Variants in BCL11B observed in about 807,000 individuals in gnomAD.
The protein encoded by BCL11B is B-cell lymphoma/leukemia 11B.
Under a neutral mutation model 49.9 loss-of-function variants are expected in BCL11B, and 8 were observed. That is an observed-to-expected ratio of 0.16 (90% CI 0.09 to 0.29). BCL11B has a LOEUF of 0.29. Ranked by LOEUF, BCL11B falls within the 10% of genes least tolerant of loss-of-function variation. BCL11B has a pLI of 1.00. For synonymous variants in BCL11B, 739 were observed against 637.4 expected (o/e 1.16, Z -2.40); for missense variants, 1,006 against 1,351.0 (o/e 0.74, Z 4.00).
chr14:99,210,486 G>A (rs1887655982), intron 3 of BCL11B, among the ~76,000 whole-genome samples: 1 of 152,038 alleles, frequency 6.6e-6, no homozygotes, highest in African/African-American at 2.4e-5. Context: ...TTTCTCCAGG[G>A]AGAAATCACC....
chr14:99,171,353 T>G lies in BCL11B; in HGVS notation c.*2798A>C, dbSNP rs576456488. 71 of 218,956 alleles carry G rather than the reference T, an allele frequency of 3.2e-4. No homozygotes were observed. Among genetic ancestry groups the G allele is most frequent in the Middle Eastern group, 1.4e-3 (1 of 700 alleles). 13.6% of individuals were successfully genotyped at this position (218,956 alleles called of 1,614,324 possible). A position where few individuals can be genotyped will look rare whatever the true frequency, so the allele number is the denominator to read the frequency against. On this transcript the variant is annotated 3_prime_UTR_variant, in exon 4 of 4. Transcript: ENST00000357195. ...CAATAGGACTTAACATACAAATGTG[T>G]TTTTTTTGCAATATTTTATCCTGCC... is the stretch of plus-strand genomic sequence containing the variant.
rs1370296454 is a variant in BCL11B at position 99,271,290 on chromosome 14, CCGCCGCCG to C, written c.-80_-73del. On this transcript the variant is annotated 5_prime_UTR_variant, in exon 1 of 4. Transcript: ENST00000357195. ...GGGGAGCCGGGGGAGGGGGTCCGAG[CCGCCGCCG>C]CGCCGCTGCCGCCGCTGCCGCCGCC... The C allele has an allele frequency of 3.7e-4, 442 of 1,187,534 alleles. 19 individuals are homozygous for C. In the East Asian group the frequency reaches 0.014, roughly 37 times the overall value. The allele number at this position is 1,187,534 out of a possible 1,614,324, so 73.6% of individuals were successfully genotyped here. A position where few individuals can be genotyped will look rare whatever the true frequency, so the allele number is the denominator to read the frequency against.
rs192769059 is a variant in BCL11B at position 99,198,333 on chromosome 14, G to C, written c.641-22138C>G. 3.5e-3 allele frequency among the ~76,000 whole-genome samples: 535 copies of C among 152,322 alleles called. 5 individuals carry two copies. The highest frequency in any genetic ancestry group is 0.021 in the South Asian group (102 of 4,828). ...GGTCCCTTTCCTGTGGATGCAGATA[G>C]ACAAGAACACACAGACATCGAACGG... is the stretch of plus-strand genomic sequence containing the variant. On this transcript the variant is annotated intron_variant, in intron 3 of 3. Transcript: ENST00000357195.
chr14:99,213,788 G>A lies in BCL11B; in HGVS notation c.640+17557C>T, dbSNP rs780838187. On this transcript the variant is annotated intron_variant, in intron 3 of 3. Transcript: ENST00000357195. The surrounding 1 kb of genome is among the most constrained non-coding windows in gnomAD (Gnocchi z 5.1). ...TGGGGCACTGCTTGGAGAGCATCTG[G>A]CAACAAGGCACAGGGGCCCCTGGCA... Among the ~76,000 whole-genome samples, 30 of 152,286 alleles carry A rather than the reference G, an allele frequency of 2.0e-4. No individual in the cohort carries two copies. Among genetic ancestry groups the A allele is most frequent in the Middle Eastern group, 3.4e-3 (1 of 294 alleles).
intron 3 of BCL11B, among the ~76,000 whole-genome samples, chr14:99,211,446 G>A (rs1887685332): frequency 6.6e-6 from 1 of 152,208 alleles, no homozygotes; most frequent in Non-Finnish European, 1.5e-5. Flanking sequence ...CATGGCAGCC[G>A]GCCACAGAGC....
At chr14:99,201,923 A>C (rs1196243955) in intron 3 of BCL11B, among the ~76,000 whole-genome samples, 2 of 152,156 alleles carry the variant, frequency 1.3e-5, no homozygotes, top group Non-Finnish European at 2.9e-5. Flanking sequence ...GCCAGGCTCC[A>C]AAGGGGGTCC....
At chr14:99,270,473 G>A (rs1311239387) in intron 1 of BCL11B, among the ~76,000 whole-genome samples, 1 of 151,754 alleles carries the variant, frequency 6.6e-6, no homozygotes, top group Non-Finnish European at 1.5e-5. Flanking sequence ...AGACGGAGGT[G>A]GGGAAGTGGG....
At chr14:99,212,980 G>A (rs1275158093) in intron 3 of BCL11B, among the ~76,000 whole-genome samples, 1 of 152,192 alleles carries the variant, frequency 6.6e-6, no homozygotes, top group Non-Finnish European at 1.5e-5. Flanking sequence ...TGGCTTCTGG[G>A]AGGATAAAAT....
At chr14:99,260,629 CTT>C (rs1378673480) in intron 1 of BCL11B, among the ~76,000 whole-genome samples, 1 of 152,190 alleles carries the variant, frequency 6.6e-6, no homozygotes, top group Admixed American at 6.5e-5. Context: ...TGTACCAGCA[CTT>C]TTTCCTTTCT....
intron 3 of BCL11B, among the ~76,000 whole-genome samples, chr14:99,226,417 C>T (rs570812812): frequency 1.1e-4 from 17 of 152,324 alleles, no homozygotes; most frequent in South Asian, 4.1e-4. Flanking sequence ...ATCTAACACC[C>T]TCCTGGAGTG....
intron 3 of BCL11B, among the ~76,000 whole-genome samples, chr14:99,229,361 GC>G (rs199999868): frequency 0.019 from 2,948 of 152,244 alleles, 103 homozygotes; most frequent in African/African-American, 0.067. Context: ...CTTGCTGATG[GC>G]AGAGCCCCCC....
At chr14:99,254,159 G>A (rs990498388) in intron 2 of BCL11B, among the ~76,000 whole-genome samples, 8 of 152,234 alleles carry the variant, frequency 5.3e-5, no homozygotes, top group Non-Finnish European at 1.2e-4. Flanking sequence ...CAGGGCGGAG[G>A]ATGGGCCCCA....
At chr14:99,203,398 T>C (rs1467036842) in intron 3 of BCL11B, among the ~76,000 whole-genome samples, 1 of 152,164 alleles carries the variant, frequency 6.6e-6, no homozygotes, top group African/African-American at 2.4e-5. Context: ...CATGCATGCC[T>C]GGGGCCAACA....
intron 3 of BCL11B, among the ~76,000 whole-genome samples, chr14:99,208,708 C>T (rs535368628): frequency 1.7e-4 from 26 of 152,332 alleles, no homozygotes; most frequent in East Asian, 1.9e-4. Context: ...CCACTGGGCC[C>T]GTTGTTTGAG....
Position 99,228,953 on chromosome 14 carries a change from T to C in BCL11B, c.640+2392A>G, listed in dbSNP as rs955603184. Among the ~76,000 whole-genome samples, 1 of 151,700 alleles carries C rather than the reference T, an allele frequency of 6.6e-6. No homozygotes were observed. The highest frequency in any genetic ancestry group is 1.5e-5 in the Non-Finnish European group (1 of 67,846). Reference sequence around the variant, plus strand: ...ATGGATGGATGAACGGATGGGTGGATGGATGGATGCATGGATGGATGCATG... The same window carrying C: ...ATGGATGGATGAACGGATGGGTGGACGGATGGATGCATGGATGGATGCATG... On this transcript the variant is annotated intron_variant, in intron 3 of 3. Coordinates refer to ENST00000357195, the MANE Select transcript of BCL11B (RefSeq NM_138576.4). The surrounding 1 kb of genome is among the most constrained non-coding windows in gnomAD (Gnocchi z 4.8).
intron 3 of BCL11B, among the ~76,000 whole-genome samples, chr14:99,190,421 G>A (rs565752044): frequency 1.8e-4 from 28 of 152,380 alleles, no homozygotes; most frequent in African/African-American, 5.5e-4. Flanking sequence ...CCGGGAAGTG[G>A]AGGTTGCAGT....
At chr14:99,186,002 C>T (rs1886842204) in intron 3 of BCL11B, among the ~76,000 whole-genome samples, 1 of 152,234 alleles carries the variant, frequency 6.6e-6, no homozygotes, top group Non-Finnish European at 1.5e-5. Flanking sequence ...AGGCCCTATG[C>T]CAAGAGGAGG....
At chr14:99,214,399 T>G (rs185797780) in intron 3 of BCL11B, among the ~76,000 whole-genome samples, 2 of 151,670 alleles carry the variant, frequency 1.3e-5, no homozygotes, top group Non-Finnish European at 2.9e-5. Flanking sequence ...CTACAAAAAA[T>G]TTTAAAAAAT....
chr14:99,193,179 CT>C (rs1159713920), intron 3 of BCL11B, among the ~76,000 whole-genome samples: 1 of 152,212 alleles, frequency 6.6e-6, no homozygotes, highest in African/African-American at 2.4e-5. Flanking sequence ...TGATTTCGGC[CT>C]CTTACAACTG....
Sources: gnomAD v4.1 joint callset for allele counts (sites outside exome capture counted in the v4.1 genomes callset) on GRCh38, gnomAD v4.1.1 for gene constraint, Gnocchi (gnomAD v3.1) non-coding constraint, MANE v1.5 for transcripts, NCBI Gene and HGNC (gene_info 2026-07-23, HGNC 2026-07-21) for gene names.